Variants in LRCH4 observed in about 807,000 individuals in gnomAD.
LRCH4 encodes leucine-rich repeat and calponin homology domain-containing protein 4.
Under a neutral mutation model 81.2 loss-of-function variants are expected in LRCH4, and 56 were observed. The observed-to-expected ratio is 0.69, with a 90% confidence interval of 0.56 to 0.86. The LOEUF (loss-of-function observed/expected upper bound fraction) is 0.86, where lower values mean the gene tolerates loss of function less well. Ranked by LOEUF, LRCH4 falls within the 40% of genes least tolerant of loss-of-function variation. The pLI is 0.00. For synonymous variants in LRCH4, 442 were observed against 409.7 expected, an observed-to-expected ratio of 1.08 and a Z score of -0.95; for missense variants, 895 against 922.8, an observed-to-expected ratio of 0.97 and a Z score of 0.39.
rs370144452 is a variant in LRCH4 at position 100,576,195 on chromosome 7, C to A, written c.1638+43G>T. On this transcript the variant is annotated intron_variant, in intron 15 of 17. Transcript: ENST00000310300. ...CCAAGGACAGCAACACAAGGAGGTGCCCGGCCCAGGCCCCTGCCCACGCAG... is the reference window on the plus strand; with the variant it reads ...CCAAGGACAGCAACACAAGGAGGTGACCGGCCCAGGCCCCTGCCCACGCAG... The A allele has an allele frequency of 5.7e-6, 9 of 1,592,566 alleles. No individual in the cohort carries two copies. In the African/African-American group the frequency reaches 1.2e-4, roughly 21 times the overall value.
At position 100,576,336 on chromosome 7, in the gene LRCH4, G is replaced by T; in HGVS notation, c.1553-13C>A. 2 of 1,599,464 alleles carry T rather than the reference G, an allele frequency of 1.3e-6. No homozygotes were observed. The highest frequency in any genetic ancestry group is 1.7e-6 in the Non-Finnish European group (2 of 1,167,186). ...GGTGAGGAAGGGCCTAGGAGAAAAA[G>T]GGGGGCATGGGGCTGCCTCCACTGC... On this transcript the variant is annotated splice_polypyrimidine_tract_variant and intron_variant, in intron 14 of 17. Coordinates refer to ENST00000310300, the MANE Select transcript of LRCH4 (RefSeq NM_002319.5).
Position 100,575,839 on chromosome 7 carries a change from C to A in LRCH4, c.1776+32G>T, listed in dbSNP as rs1801339589. On this transcript the variant is annotated intron_variant, in intron 16 of 17. Transcript: ENST00000310300. This position sits in a 1 kb window ranked among gnomAD's most constrained non-coding sequence, Gnocchi z 5.3. ...GGGAGAGGCCACAGGCGCCCCGGCC[C>A]ATCCCCCACCTCTTCCCCAGCCCCA... is the stretch of plus-strand genomic sequence containing the variant. 1 of 1,609,578 alleles carries A rather than the reference C, an allele frequency of 6.2e-7. No homozygotes were observed. The highest frequency in any genetic ancestry group is 1.3e-5 in the African/African-American group (1 of 74,858).
chr7:100,576,389 A>C (rs1801360519), intron 14 of LRCH4, 66 bp from the exon 15 acceptor site: 16 of 1,195,834 alleles, frequency 1.3e-5, no homozygotes, highest in East Asian at 2.4e-5. Flanking sequence ...GCTGGGTCCC[A>C]GTGGCCTGGC....
Position 100,582,228 on chromosome 7 carries a change from C to T in LRCH4, c.366-61G>A, listed in dbSNP as rs1017706702. The T allele has an allele frequency of 1.2e-6, 2 of 1,613,162 alleles. No homozygotes were observed. The highest frequency in any genetic ancestry group is 2.7e-5 in the African/African-American group (2 of 74,920). On this transcript the variant is annotated intron_variant, in intron 2 of 17. Transcript: ENST00000310300. The surrounding 1 kb of genome is among the most constrained non-coding windows in gnomAD (Gnocchi z 5.0). ...AGGCATGGCATCCCAGCACTGCCAT[C>T]CTCTCGGGGTCACTGGGTGGGTCAC...
rs1377381598 is a variant in LRCH4, at chr7:100,575,120, A to T, written c.2039T>A (p.Leu680His). 1 of 1,609,096 alleles carries T rather than the reference A, an allele frequency of 6.2e-7. No homozygotes were observed. The highest frequency in any genetic ancestry group is 2.2e-5 in the East Asian group (1 of 44,732). Residue 680 changes from leucine to histidine, a missense_variant, in exon 18 of 18, where the codon CTC becomes CAC. This residue lies in a region of LRCH4 where 529 missense variants were observed against 504.9 expected (regional missense o/e 1.05). Transcript: ENST00000310300. The surrounding 1 kb of genome is among the most constrained non-coding windows in gnomAD (Gnocchi z 5.3). Reference sequence around the variant, plus strand: ...CGATTTTGGGGCCTAGGAACCCAGGAGCCGAGTGTAGGTGACATAGAGCAG... The same window carrying T: ...CGATTTTGGGGCCTAGGAACCCAGGTGCCGAGTGTAGGTGACATAGAGCAG... ...MLLLYVTYTR[L>H]LGS
chr7:100,578,418 G>T lies in LRCH4; in HGVS notation c.829C>A (p.Pro277Thr), dbSNP rs752980657. The change falls in exon 6 of 18, where the codon CCC (proline) becomes ACC (threonine). Residue 277 changes from proline (P) to threonine (T), a missense_variant. Around this residue, in one of 3 missense-constraint regions of LRCH4, gnomAD observed 360 missense variants for 397.0 expected, o/e 0.91. Transcript: ENST00000310300. This position sits in a 1 kb window ranked among gnomAD's most constrained non-coding sequence, Gnocchi z 5.7. ...SALGDLAPSR[P>T]PSFSPCPAED... is the part of the protein sequence containing the mutation. ...ACTTACCAGGGACTGAAACTCGGGG[G>T]CCGAGAAGGGGCCAGGTCCCCCAGG... The T allele has an allele frequency of 6.2e-7, 1 of 1,613,738 alleles. No homozygotes were observed. The highest frequency in any genetic ancestry group is 1.3e-5 in the African/African-American group (1 of 74,944).
At position 100,582,702 on chromosome 7, in the gene LRCH4, G is replaced by A. The variant is rs745807830; in HGVS notation, c.221-243C>T. Among the ~76,000 whole-genome samples the A allele has an allele frequency of 6.6e-6, 1 of 152,246 alleles. No homozygotes were observed. The highest frequency in any genetic ancestry group is 2.4e-5 in the African/African-American group (1 of 41,460). The stretch of plus-strand genomic sequence containing the variant: ...ACTGGGCTAGAGAAGCCTCAGACTT[G>A]GGGGTTGGGGAATGTCAATGGAGGG... On this transcript the variant is annotated intron_variant, in intron 1 of 17. Transcript: ENST00000310300. This position sits in a 1 kb window ranked among gnomAD's most constrained non-coding sequence, Gnocchi z 5.0.
chr7:100,577,247 C>CA lies in LRCH4; in HGVS notation c.1295+25dup. 6.2e-7 allele frequency: 1 copy of CA among 1,603,980 alleles called. No homozygotes were observed. The highest frequency in any genetic ancestry group is 8.5e-7 in the Non-Finnish European group (1 of 1,178,548). ...ATTTCCAGGGCTCAGTGTCCAGCAA[C>CA]AGCCCCGGGCGGCCCTGGGTCCCAC... On this transcript the variant is annotated intron_variant, in intron 11 of 17. Coordinates refer to ENST00000310300, the MANE Select transcript of LRCH4 (RefSeq NM_002319.5). This position sits in a 1 kb window ranked among gnomAD's most constrained non-coding sequence, Gnocchi z 6.7.
In LRCH4 at chr7:100,576,759, C is replaced by T. The variant is rs1255026072; in HGVS notation, c.1487G>A (p.Arg496Gln). The change falls in exon 14 of 18, where the codon CGG (arginine) becomes CAG (glutamine). Residue 496 changes from arginine to glutamine, a missense_variant. Transcript: ENST00000310300. ...TGGTCTCTGAATGGAGCCAAGTGGC[C>T]GTGGAGCAGGTGCTGTCGCTGGGGC... is the stretch of plus-strand genomic sequence containing the variant. ...IAGPATAPAP[R>Q]PLGSIQRPNS... 4 of 1,595,758 alleles carry T rather than the reference C, an allele frequency of 2.5e-6. No individual in the cohort carries two copies. The highest frequency in any genetic ancestry group is 2.3e-5 in the South Asian group (2 of 88,220).
Position 100,577,469 on chromosome 7 carries a change from G to T in LRCH4, c.1178+28C>A. On this transcript the variant is annotated intron_variant, in intron 10 of 17. Coordinates refer to ENST00000310300, the MANE Select transcript of LRCH4 (RefSeq NM_002319.5). The surrounding 1 kb of genome is among the most constrained non-coding windows in gnomAD (Gnocchi z 6.7). ...GGTTGGGGGGTGGGAGGATCGGGCA[G>T]TGGCGTCAGTTTGGGGGCTTGGGGT... 6.2e-7 allele frequency: 1 copy of T among 1,605,342 alleles called. No individual in the cohort carries two copies.
At chr7:100,579,664 C>G (rs896604489) in intron 4 of LRCH4, 1 of 152,032 alleles carries the variant, frequency 6.6e-6, no homozygotes, top group African/African-American at 2.4e-5. Context: ...AAACCCACAG[C>G]TCCCTAACCC....
rs1476149728 is a variant in LRCH4 at position 100,576,907 on chromosome 7, C to T, written c.1463G>A (p.Gly488Glu). The T allele has an allele frequency of 6.4e-7, 1 of 1,553,308 alleles. No individual in the cohort carries two copies. ...PASQEPLPIA[G>E]PATAPAPRPL... ...TCCCAAAATCCCTGTCCCACCTGGT[C>T]CAGCTATGGGAAGGGGCTCTTGGGA... Residue 488 changes from glycine to glutamate, a missense_variant, in exon 13 of 18, where the codon GGA becomes GAA. Gly to Glu is a moderately conservative substitution (Grantham distance 98). Coordinates refer to ENST00000310300, the MANE Select transcript of LRCH4 (RefSeq NM_002319.5).
In LRCH4 at chr7:100,577,315, T is replaced by C. The variant is rs1801397562; in HGVS notation, c.1253A>G (p.Gln418Arg). The C allele has an allele frequency of 2.5e-6, 4 of 1,596,552 alleles. No individual in the cohort carries two copies. The highest frequency in any genetic ancestry group is 1.7e-4 in the Middle Eastern group (1 of 5,950). The change falls in exon 11 of 18, where the codon CAG becomes CGG. Residue 418 changes from glutamine to arginine, a missense_variant. Transcript: ENST00000310300. This position sits in a 1 kb window ranked among gnomAD's most constrained non-coding sequence, Gnocchi z 6.7. ...LQLWQERERR[Q>R]QQQSGAWGAP... ...CCCCCACGCCCCGCTCTGCTGCTGC[T>C]GCCGCCGTTCCCGCTCCTGCCACAG...
At position 100,575,986 on chromosome 7, in the gene LRCH4, C is replaced by G. The variant is rs376944603; in HGVS notation, c.1661G>C (p.Arg554Pro). The G allele has an allele frequency of 1.2e-6, 2 of 1,606,158 alleles. No homozygotes were observed. Among genetic ancestry groups the G allele is most frequent in the African/African-American group, 2.7e-5 (2 of 74,872 alleles). Residue 554 changes from arginine to proline, a missense_variant, in exon 16 of 18, where the codon CGG becomes CCG. Around this residue, in one of 3 missense-constraint regions of LRCH4, gnomAD observed 529 missense variants for 504.9 expected, o/e 1.05. Transcript: ENST00000310300. This position sits in a 1 kb window ranked among gnomAD's most constrained non-coding sequence, Gnocchi z 5.3. Reference protein sequence around the residue: ...LRQVLESRLQRPLPEDLAEAL... With the variant: ...LRQVLESRLQPPLPEDLAEAL... ...CTCGGCCAGGTCCTCAGGCAGGGGC[C>G]GCTGCAGCCGGGACTCAAGGACCTG...
chr7:100,578,345 CGGGAA>C lies in LRCH4; in HGVS notation c.848+49_848+53del. ...CCAGAAAGCAGGGGGTGCCTGGGGC[CGGGAA>C]GGGGCATTCAGTATCCCAGGGCTTC... On this transcript the variant is annotated intron_variant, in intron 6 of 17. Transcript: ENST00000310300. The surrounding 1 kb of genome is among the most constrained non-coding windows in gnomAD (Gnocchi z 5.7). The C allele has an allele frequency of 6.2e-7, 1 of 1,601,172 alleles. No individual in the cohort carries two copies. The highest frequency in any genetic ancestry group is 8.6e-7 in the Non-Finnish European group (1 of 1,168,536).
Position 100,586,048 on chromosome 7 carries a change from G to C in LRCH4, c.53C>G (p.Ala18Gly). The change falls in exon 1 of 18, where the codon GCC becomes GGC. Residue 18 changes from alanine (A) to glycine (G), a missense_variant. Ala to Gly is a moderately conservative substitution (Grantham distance 60). Transcript: ENST00000310300. ...PLAAGGEEAAATTSVPGSPGL... is the reference protein window; with the variant it reads ...PLAAGGEEAAGTTSVPGSPGL... ...TGGAGACCCGGGCACGGAGGTCGTG[G>C]CTGCCGCCTCCTCACCCCCGGCGGC... is the stretch of plus-strand genomic sequence containing the variant. The C allele has an allele frequency of 6.3e-7, 1 of 1,584,072 alleles. No homozygotes were observed. Among genetic ancestry groups the C allele is most frequent in the Non-Finnish European group, 8.6e-7 (1 of 1,166,496 alleles).
In LRCH4 at chr7:100,577,165, G is replaced by C; in HGVS notation, c.1296-11C>G. ...CCTGGCTTCAAGAGGCTGGAACAAG[G>C]AGAGGTGGGGTCAGCTAGCCCCAAG... On this transcript the variant is annotated splice_polypyrimidine_tract_variant and intron_variant, in intron 11 of 17. Coordinates refer to ENST00000310300, the MANE Select transcript of LRCH4 (RefSeq NM_002319.5). The surrounding 1 kb of genome is among the most constrained non-coding windows in gnomAD (Gnocchi z 6.7). 6.2e-7 allele frequency: 1 copy of C among 1,613,848 alleles called. No homozygotes were observed. Among genetic ancestry groups the C allele is most frequent in the South Asian group, 1.1e-5 (1 of 91,072 alleles).
At position 100,577,852 on chromosome 7, in the gene LRCH4, C is replaced by T. The variant is rs765580734; in HGVS notation, c.1009G>A (p.Gly337Arg). 11 of 1,613,106 alleles carry T rather than the reference C, an allele frequency of 6.8e-6. No individual in the cohort carries two copies. The East Asian group carries it at 1.8e-4, about 26-fold the overall frequency. ...CCATCCTCCTTGCGTTCTCTGGGTCCCCGGGGCTCCCGGGCCAGCTCTGAG... is the reference window on the plus strand; with the variant it reads ...CCATCCTCCTTGCGTTCTCTGGGTCTCCGGGGCTCCCGGGCCAGCTCTGAG... ...RISELAREPRGPRERKEDGSA... is the reference protein window; with the variant it reads ...RISELAREPRRPRERKEDGSA... The change falls in exon 8 of 18, where the codon GGA (glycine) becomes AGA (arginine). Residue 337 changes from glycine (G) to arginine (R), a missense_variant. Transcript: ENST00000310300. The surrounding 1 kb of genome is among the most constrained non-coding windows in gnomAD (Gnocchi z 6.7).
At position 100,577,714 on chromosome 7, in the gene LRCH4, AGTC is replaced by A; in HGVS notation, c.1063_1065del (p.Asp355del). 6.2e-7 allele frequency: 1 copy of A among 1,614,096 alleles called. No individual in the cohort carries two copies. Among genetic ancestry groups the A allele is most frequent in the Admixed American group, 1.7e-5 (1 of 60,034 alleles). On this transcript the variant is annotated inframe_deletion, in exon 9 of 18. Coordinates refer to ENST00000310300, the MANE Select transcript of LRCH4 (RefSeq NM_002319.5). This position sits in a 1 kb window ranked among gnomAD's most constrained non-coding sequence, Gnocchi z 6.7. ...TCCCCGGGGACATGGCTGTCGATGA[AGTC>A]AATCTGCACAGGGTCTCCGTCCGCT...
Sources: allele counts gnomAD v4.1 joint callset (sites outside exome capture counted in the v4.1 genomes callset), GRCh38; gene constraint gnomAD v4.1.1; regional missense constraint gnomAD v4.1.1; non-coding constraint Gnocchi (gnomAD v3.1); transcripts MANE v1.5; gene names NCBI Gene and HGNC (gene_info 2026-07-23, HGNC 2026-07-21).